The following SRGAP3 variants were observed in gnomAD, a reference collection of about 807,000 sequenced individuals.
SRGAP3 encodes SLIT-ROBO Rho GTPase activating protein 3.
In SRGAP3, 39 loss-of-function variants were observed where a neutral mutation model predicts 121.1. That is an observed-to-expected ratio of 0.32 (90% CI 0.25 to 0.42). The LOEUF (loss-of-function observed/expected upper bound fraction) is 0.42. Among genes scored for constraint, SRGAP3 ranks in the 10% least tolerant of loss-of-function variants. The pLI is 1.00. For synonymous variants in SRGAP3, 601 were observed against 570.0 expected (o/e 1.05, Z -0.77); for missense variants, 1,213 against 1,470.6 (o/e 0.82, Z 2.86).
At chr3:9,083,506 T>A (rs1431934488) in intron 3 of SRGAP3, among the ~76,000 whole-genome samples, 1 of 152,380 alleles carries the variant, frequency 6.6e-6, no homozygotes, top group East Asian at 1.9e-4. Context: ...TTGCATCTTT[T>A]CACTTAACGA....
intron 2 of SRGAP3, among the ~76,000 whole-genome samples, chr3:9,124,493 GT>G (rs1223770967): frequency 6.6e-6 from 1 of 152,198 alleles, no homozygotes; most frequent in Non-Finnish European, 1.5e-5. Context: ...CTCTTCTTGG[GT>G]TGTTCATTTA....
rs1442279392 is a variant in SRGAP3, at chr3:9,284,533, T to C, written n.442+41477A>G. On this transcript the variant is annotated intron_variant and non_coding_transcript_variant, in intron 3 of 3. Transcript: ENST00000490889. ...TGGCAAGTAATGGTCTTAGTATTAATATAAAAATAGTTCTGGGCTGGGTGT... is the reference window on the plus strand; with the variant it reads ...TGGCAAGTAATGGTCTTAGTATTAACATAAAAATAGTTCTGGGCTGGGTGT... Among the ~76,000 whole-genome samples, 3 of 152,272 alleles carry C rather than the reference T, an allele frequency of 2.0e-5. No individual in the cohort carries two copies. In the East Asian group the frequency reaches 5.8e-4, roughly 29 times the overall value.
At chr3:9,120,347 AG>A (rs1948958002) in intron 2 of SRGAP3, among the ~76,000 whole-genome samples, 1 of 152,230 alleles carries the variant, frequency 6.6e-6, no homozygotes, top group African/African-American at 2.4e-5. Context: ...CAGGGCTCAA[AG>A]GGCACAGCCA....
At chr3:9,123,787 C>CAG (rs150619593) in intron 2 of SRGAP3, among the ~76,000 whole-genome samples, 3,290 of 133,646 alleles carry the variant, frequency 0.025, 96 homozygotes, top group African/African-American at 0.069. Flanking sequence ...TGTGTATACA[C>CAG]AGAGAGAGAG....
At chr3:9,080,140 T>G in intron 3 of SRGAP3, 53 bp from the exon 4 acceptor site, 1 of 1,589,892 alleles carries the variant, frequency 6.3e-7, no homozygotes, top group Non-Finnish European at 8.6e-7. Context: ...TGGCTACATT[T>G]ACCAATCTCT....
chr3:9,208,325 T>C (rs1306743668), intron 1 of SRGAP3, among the ~76,000 whole-genome samples: 4 of 152,110 alleles, frequency 2.6e-5, no homozygotes, highest in African/African-American at 9.7e-5. Flanking sequence ...TAGAAACCAC[T>C]TTGACTTTGG....
At chr3:9,178,886 C>G (rs1162401581) in intron 1 of SRGAP3, among the ~76,000 whole-genome samples, 1 of 152,202 alleles carries the variant, frequency 6.6e-6, no homozygotes, top group Admixed American at 6.5e-5. Context: ...AGGACGTGGG[C>G]AGCTCAGCTA....
intron 1 of SRGAP3, among the ~76,000 whole-genome samples, chr3:9,145,300 T>C (rs757227163): frequency 1.1e-4 from 16 of 152,214 alleles, no homozygotes; most frequent in African/African-American, 2.4e-5. Flanking sequence ...TTCGCCATGT[T>C]GGCCAGGCTG....
chr3:9,076,379 T>C (rs1449369067), intron 4 of SRGAP3, among the ~76,000 whole-genome samples: 1 of 152,116 alleles, frequency 6.6e-6, no homozygotes, highest in Non-Finnish European at 1.5e-5. Context: ...AAATACCTAA[T>C]ACAGAGTGAG....
chr3:9,022,214 G>T (rs192671473), intron 14 of SRGAP3, among the ~76,000 whole-genome samples: 1 of 152,206 alleles, frequency 6.6e-6, no homozygotes, highest in Non-Finnish European at 1.5e-5. Flanking sequence ...TGTAGTCCCA[G>T]CTACTCAGGA....
intron 1 of SRGAP3, chr3:9,192,711 A>G (rs1244279375): frequency 1.3e-5 from 2 of 152,224 alleles, no homozygotes; most frequent in Non-Finnish European, 2.9e-5. Flanking sequence ...TGAGTCCCTC[A>G]AGTGAATTAT....
At chr3:9,087,617 G>A (rs1264349140) in intron 3 of SRGAP3, among the ~76,000 whole-genome samples, 2 of 152,196 alleles carry the variant, frequency 1.3e-5, no homozygotes, top group African/African-American at 2.4e-5. Flanking sequence ...TGGGGATGGT[G>A]AAAAGACTGG....
At chr3:9,321,507 G>C (rs1955437958) in intron 3 of SRGAP3, among the ~76,000 whole-genome samples, 1 of 151,918 alleles carries the variant, frequency 6.6e-6, no homozygotes, top group African/African-American at 2.4e-5. Context: ...GAGTGAAAAA[G>C]AGAAGATGAA....
At chr3:9,171,259 G>T (rs924877481) in intron 1 of SRGAP3, among the ~76,000 whole-genome samples, 1 of 152,208 alleles carries the variant, frequency 6.6e-6, no homozygotes, top group Non-Finnish European at 1.5e-5. Flanking sequence ...AGCTGCCCTC[G>T]AAACATCCAA....
intron 19 of SRGAP3, chr3:8,993,981 C>G: frequency 2.9e-6 from 1 of 343,746 alleles, no homozygotes; most frequent in Non-Finnish European, 5.5e-6. Flanking sequence ...AAGAGAGCTA[C>G]CTCTGGAGTG....
chr3:9,065,523 A>C (rs1946388391), intron 4 of SRGAP3: 1 of 152,180 alleles, frequency 6.6e-6, no homozygotes, highest in South Asian at 2.1e-4. Context: ...AGCCCCAATC[A>C]TAGATTTGCC....
At chr3:9,250,388 A>C (rs777874581), upstream of SRGAP3, among the ~76,000 whole-genome samples, 4 of 152,180 alleles carry the variant, frequency 2.6e-5, no homozygotes, top group Non-Finnish European at 4.4e-5. Flanking sequence ...ATTCATGCTA[A>C]TATTCTTAGT....
intron 1 of SRGAP3, among the ~76,000 whole-genome samples, chr3:9,209,390 G>A (rs1450375740): frequency 2.0e-5 from 3 of 152,148 alleles, no homozygotes; most frequent in Non-Finnish European, 4.4e-5. Context: ...ACAAAATTAA[G>A]AAAAGGACTT....
At chr3:9,339,782 A>G (rs1440739344) in intron 1 of SRGAP3, among the ~76,000 whole-genome samples, 2 of 152,210 alleles carry the variant, frequency 1.3e-5, no homozygotes, top group African/African-American at 4.8e-5. Context: ...CCAAGAAGGC[A>G]AGGCACTTGG....
Sources: allele counts gnomAD v4.1 joint callset (sites outside exome capture counted in the v4.1 genomes callset), GRCh38; gene constraint gnomAD v4.1.1; transcripts MANE v1.5; gene names NCBI Gene and HGNC (gene_info 2026-07-23, HGNC 2026-07-21).